Variants in TBC1D30 observed in about 807,000 individuals in gnomAD.
The protein encoded by TBC1D30 is TBC1 domain family, member 30.
In TBC1D30, 31 loss-of-function variants were observed where a neutral mutation model predicts 63.2. The ratio of observed to expected loss-of-function variants is 0.49; its 90% CI spans 0.37 to 0.66. The LOEUF (loss-of-function observed/expected upper bound fraction) is 0.66, where lower values mean the gene tolerates loss of function less well. Among genes scored for constraint, TBC1D30 ranks in the 30% least tolerant of loss-of-function variants. The probability of loss-of-function intolerance (pLI) is 0.00; values close to 1 mark genes in which losing one functional copy is unlikely to be tolerated. For synonymous variants in TBC1D30, 307 were observed against 361.5 expected (o/e 0.85, Z 1.71); for missense variants, 810 against 953.6 (o/e 0.85, Z 1.98).
chr12:64,864,641 C>T (rs754871037), intron 8 of TBC1D30, 27 bp from the exon 9 acceptor site: 1 of 1,450,670 alleles, frequency 6.9e-7, no homozygotes, highest in South Asian at 1.2e-5. Flanking sequence ...CTGTTTCAGA[C>T]TTGGCATTTT....
At chr12:64,854,480 T>C (rs1877129955) in intron 8 of TBC1D30, among the ~76,000 whole-genome samples, 2 of 149,970 alleles carry the variant, frequency 1.3e-5, no homozygotes, top group Admixed American at 1.3e-4. Flanking sequence ...GTTCAGCATT[T>C]AGTCTTTCTT....
intron 1 of TBC1D30, chr12:64,825,282 G>C (rs1874217950): frequency 4.4e-6 from 2 of 456,060 alleles, no homozygotes; most frequent in Non-Finnish European, 3.8e-6. Flanking sequence ...TCTCCCCGCG[G>C]ACCCCCACCC....
intron 7 of TBC1D30, among the ~76,000 whole-genome samples, chr12:64,839,913 G>A (rs1225876188): frequency 6.7e-6 from 1 of 149,742 alleles, no homozygotes; most frequent in Non-Finnish European, 1.5e-5. Context: ...GCTGAGGCAG[G>A]AGAATGGCGT....
intron 2 of TBC1D30, among the ~76,000 whole-genome samples, chr12:64,798,884 C>G (rs374695882): frequency 6.8e-6 from 1 of 146,816 alleles, no homozygotes; most frequent in East Asian, 2.0e-4. Flanking sequence ...ACGATCTTGG[C>G]TCACTGCAAG....
intron 2 of TBC1D30, 97 bp downstream of exon 2, chr12:64,827,993 A>AT: frequency 6.2e-6 from 5 of 812,782 alleles, no homozygotes; most frequent in Non-Finnish European, 9.6e-6. Context: ...TTTGATATGA[A>AT]TGTGAAGATG....
intron 11 of TBC1D30, among the ~76,000 whole-genome samples, chr12:64,872,112 C>T (rs1443758013): frequency 1.3e-5 from 2 of 152,206 alleles, no homozygotes; most frequent in Non-Finnish European, 2.9e-5. Flanking sequence ...ACTGTAACCT[C>T]CACTTCCCAA....
chr12:64,856,409 A>G (rs1394467013), intron 8 of TBC1D30, among the ~76,000 whole-genome samples: 1 of 152,264 alleles, frequency 6.6e-6, no homozygotes, highest in East Asian at 1.9e-4. Context: ...CCCAAGCCCA[A>G]TAATGCTGTG....
chr12:64,832,194 C>T lies in TBC1D30; in HGVS notation c.484C>T (p.Leu162=), dbSNP rs1482711791. ...GGACAGGGTTGTGTTGAAGCGGGTG[C>T]TGCTGGCCTATGCCCGATGGAACAA... ...EQDRVVLKRV[L]LAYARWNKTV... The change falls in exon 5 of 12, where the codon CTG becomes TTG. Residue 162 remains leucine, a synonymous_variant. Coordinates refer to ENST00000539867, the MANE Select transcript of TBC1D30 (RefSeq NM_015279.2). 9 of 1,536,000 alleles carry T rather than the reference C, an allele frequency of 5.9e-6. No individual in the cohort carries two copies. The East Asian group carries it at 2.2e-4, about 38-fold the overall frequency.
Position 64,878,284 on chromosome 12 carries a change from C to A in TBC1D30, c.*2496C>A. ...TTGCCTACTTTAGAAAATAAAGAAA[C>A]CTGCAGTAGCCTCTACCACACAGCA... is the stretch of plus-strand genomic sequence containing the variant. On this transcript the variant is annotated 3_prime_UTR_variant, in exon 12 of 12. Transcript: ENST00000539867. The A allele has an allele frequency of 3.0e-6, 1 of 328,238 alleles. No homozygotes were observed. The highest frequency in any genetic ancestry group is 2.6e-5 in the South Asian group (1 of 38,530). 20.3% of individuals were successfully genotyped at this position (328,238 alleles called of 1,614,324 possible).
chr12:64,763,105 G>A (rs961415937), intron 1 of TBC1D30, among the ~76,000 whole-genome samples: 65 of 151,984 alleles, frequency 4.3e-4, no homozygotes, highest in Admixed American at 4.6e-4. Flanking sequence ...ACAGGCATGC[G>A]TCACTATGCC....
Position 64,824,916 on chromosome 12 carries a change from G to T in TBC1D30, c.37G>T (p.Gly13Trp), listed in dbSNP as rs1037632682. The T allele has an allele frequency of 3.3e-6, 5 of 1,534,176 alleles. No individual in the cohort carries two copies. The highest frequency in any genetic ancestry group is 4.4e-6 in the Non-Finnish European group (5 of 1,146,428). Residue 13 changes from glycine to tryptophan, a missense_variant, in exon 1 of 12, where the codon GGG becomes TGG. This residue lies in a region of TBC1D30 where 272 missense variants were observed against 335.9 expected (regional missense o/e 0.81). Coordinates refer to ENST00000539867, the MANE Select transcript of TBC1D30 (RefSeq NM_015279.2). ...CAAGCTGACCGGGTCTCTGAGGCGC[G>T]GGGGGAGATGCCTGAAGCGGCAGGG... ...QDKLTGSLRR[G>W]GRCLKRQGGG...
intron 8 of TBC1D30, among the ~76,000 whole-genome samples, chr12:64,856,164 T>TG (rs150172283): frequency 0.017 from 1,989 of 114,434 alleles, 39 homozygotes; most frequent in African/African-American, 0.058. Context: ...GAGAGTTAGA[T>TG]GGGGGGGGTG....
At chr12:64,766,742 A>G (rs1053837671) in intron 1 of TBC1D30, among the ~76,000 whole-genome samples, 2 of 152,202 alleles carry the variant, frequency 1.3e-5, no homozygotes, top group East Asian at 1.9e-4. Flanking sequence ...AGCAGAATCT[A>G]TACTCTTCTC....
At chr12:64,771,546 C>A (rs1445351947) in intron 1 of TBC1D30, among the ~76,000 whole-genome samples, 1 of 152,082 alleles carries the variant, frequency 6.6e-6, no homozygotes, top group Non-Finnish European at 1.5e-5. Context: ...GAATAGGTAG[C>A]CCAGACTCCC....
chr12:64,785,373 C>T (rs948895555), intron 1 of TBC1D30, among the ~76,000 whole-genome samples: 2 of 151,874 alleles, frequency 1.3e-5, no homozygotes, highest in African/African-American at 4.8e-5. Context: ...GTCTCCAACT[C>T]CTGACCTCAG....
chr12:64,801,757 A>T (rs1480180648), intron 2 of TBC1D30, among the ~76,000 whole-genome samples: 3 of 152,252 alleles, frequency 2.0e-5, no homozygotes, highest in Non-Finnish European at 1.5e-5. Context: ...CATTCTAGTT[A>T]GAAAGACTGA....
chr12:64,867,205 C>T (rs908660485), intron 10 of TBC1D30, among the ~76,000 whole-genome samples: 3 of 152,106 alleles, frequency 2.0e-5, no homozygotes, highest in African/African-American at 7.2e-5. Context: ...GTGGCTCACG[C>T]TTGTAATCCC....
intron 8 of TBC1D30, among the ~76,000 whole-genome samples, chr12:64,850,198 T>C (rs551948670): frequency 2.0e-5 from 3 of 152,338 alleles, no homozygotes; most frequent in Admixed American, 1.3e-4. Context: ...TTTCTAAATA[T>C]ACAATTGTGT....
At chr12:64,786,538 G>A (rs1871594096) in intron 2 of TBC1D30, among the ~76,000 whole-genome samples, 1 of 152,004 alleles carries the variant, frequency 6.6e-6, no homozygotes, top group African/African-American at 2.4e-5. Context: ...CACCTTGCTG[G>A]TCAGGCTGGT....
Sources: gnomAD v4.1 joint callset for allele counts (sites outside exome capture counted in the v4.1 genomes callset) on GRCh38, gnomAD v4.1.1 for gene constraint, gnomAD v4.1.1 regional missense constraint, MANE v1.5 for transcripts, NCBI Gene and HGNC (gene_info 2026-07-23, HGNC 2026-07-21) for gene names.